The following WDPCP variants were observed in gnomAD, a reference collection of about 807,000 sequenced individuals.
WDPCP encodes WD repeat containing planar cell polarity effector, also known as WD repeat-containing and planar cell polarity effector protein fritz homolog.
Under a neutral mutation model 93.1 loss-of-function variants are expected in WDPCP, and 71 were observed. That is an observed-to-expected ratio of 0.76 (90% confidence interval 0.63 to 0.93). The LOEUF is 0.93. Ranked by LOEUF, WDPCP falls within the 40% of genes least tolerant of loss-of-function variation. WDPCP has a pLI of 0.00. For missense variants in WDPCP, 844 were observed against 887.4 expected (o/e 0.95, Z 0.62); for synonymous variants, 315 against 315.0 (o/e 1.00, Z 0.00).
intron 2 of WDPCP, among the ~76,000 whole-genome samples, chr2:63,682,727 C>T (rs1668738308): frequency 6.6e-6 from 1 of 151,508 alleles, no homozygotes. Context: ...CCTCAAGGCA[C>T]CCAAAGATCA....
intron 8 of WDPCP, 101 bp downstream of exon 8, chr2:63,437,320 A>G (rs1049905102): frequency 9.7e-7 from 1 of 1,032,504 alleles, no homozygotes; most frequent in Non-Finnish European, 1.4e-6. Flanking sequence ...TTTTTCTGAA[A>G]TCCAGAAATG....
At chr2:63,599,321 G>T (rs1267636723) in intron 3 of WDPCP, 1 of 1,592,406 alleles carries the variant, frequency 6.3e-7, no homozygotes, top group African/African-American at 1.4e-5. Flanking sequence ...AAATCTTGTG[G>T]TTGTTCAACT....
chr2:63,535,978 A>G (rs1404374728), intron 1 of WDPCP, among the ~76,000 whole-genome samples: 1 of 152,232 alleles, frequency 6.6e-6, no homozygotes, highest in Non-Finnish European at 1.5e-5. Flanking sequence ...CAAAGGGCTA[A>G]TATCTGGAAT....
intron 3 of WDPCP, among the ~76,000 whole-genome samples, chr2:63,608,862 G>C (rs1286294456): frequency 6.6e-6 from 1 of 152,054 alleles, no homozygotes; most frequent in East Asian, 1.9e-4. Flanking sequence ...AAAAGAAAAA[G>C]CAAGTTGAGT....
At chr2:63,285,428 C>T (rs1258312199) in intron 13 of WDPCP, among the ~76,000 whole-genome samples, 6 of 135,818 alleles carry the variant, frequency 4.4e-5, no homozygotes, top group East Asian at 2.1e-4. Flanking sequence ...AGTGAGACTC[C>T]ATCTCAAAAA....
In WDPCP at chr2:63,234,783, C is replaced by G. The variant is rs139147872; in HGVS notation, c.1915+24524G>C. 1.6e-4 allele frequency among the ~76,000 whole-genome samples: 24 copies of G among 152,238 alleles called. No homozygotes were observed. In the East Asian group the frequency reaches 4.6e-3, roughly 29 times the overall value. On this transcript the variant is annotated intron_variant, in intron 14 of 17. Transcript: ENST00000272321. ...TAGTATAGAATGTATGACAAGCGTACTCATGGTTTTTGTTGAGAAGAAATG... is the reference window on the plus strand; with the variant it reads ...TAGTATAGAATGTATGACAAGCGTAGTCATGGTTTTTGTTGAGAAGAAATG...
chr2:63,206,575 C>G (rs1010725782), intron 14 of WDPCP, among the ~76,000 whole-genome samples: 1 of 152,110 alleles, frequency 6.6e-6, no homozygotes, highest in African/African-American at 2.4e-5. Context: ...ACATCAGCCT[C>G]CTGAGAAGCT....
chr2:63,427,402 A>G (rs1174981237), intron 9 of WDPCP, among the ~76,000 whole-genome samples: 1 of 152,238 alleles, frequency 6.6e-6, no homozygotes, highest in African/African-American at 2.4e-5. Flanking sequence ...CTTGGACTAC[A>G]TTGCAATAAA....
At chr2:63,414,855 T>G (rs1695299072) in intron 9 of WDPCP, among the ~76,000 whole-genome samples, 16 of 152,000 alleles carry the variant, frequency 1.1e-4, no homozygotes. Context: ...AATACCACCT[T>G]TACCCCAATA....
At chr2:63,479,145 T>C (rs906572646) in intron 6 of WDPCP, among the ~76,000 whole-genome samples, 1 of 150,992 alleles carries the variant, frequency 6.6e-6, no homozygotes, top group Admixed American at 6.6e-5. Context: ...CAGGAAGAAA[T>C]AGAAACTCTG....
chr2:63,424,332 A>G lies in WDPCP; in HGVS notation c.825+9413T>C, dbSNP rs1036986319. 2.0e-5 allele frequency among the ~76,000 whole-genome samples: 3 copies of G among 151,854 alleles called. No individual in the cohort carries two copies. In the East Asian group the frequency reaches 5.8e-4, roughly 29 times the overall value. ...AGCAAAATGTGGTCATAGGTTCTCCATTTTCCTCCAGGTAGTTCTATCCCC... is the reference window on the plus strand; with the variant it reads ...AGCAAAATGTGGTCATAGGTTCTCCGTTTTCCTCCAGGTAGTTCTATCCCC... On this transcript the variant is annotated intron_variant, in intron 9 of 17. Transcript: ENST00000272321.
chr2:63,324,106 G>C lies in WDPCP; in HGVS notation c.1749-10795C>G, dbSNP rs189979121. Among the ~76,000 whole-genome samples the C allele has an allele frequency of 2.0e-5, 3 of 152,136 alleles. No individual in the cohort carries two copies. The East Asian group carries it at 5.8e-4, about 29-fold the overall frequency. On this transcript the variant is annotated intron_variant, in intron 12 of 17. Coordinates refer to ENST00000272321, the MANE Select transcript of WDPCP (RefSeq NM_015910.7). ...TGGCCCCAATATTCTCTCTCTGATG[G>C]GGAAAAATGGCCACCTGAGGGAAGT...
chr2:63,686,870 ATAT>A (rs1668811241), intron 2 of WDPCP, among the ~76,000 whole-genome samples: 2 of 60,428 alleles, frequency 3.3e-5, no homozygotes, highest in African/African-American at 9.0e-5. Flanking sequence ...CTGTATATCC[ATAT>A]TCAGATCCAC....
At chr2:63,511,674 C>T (rs528026344) in intron 1 of WDPCP, among the ~76,000 whole-genome samples, 4 of 152,246 alleles carry the variant, frequency 2.6e-5, no homozygotes, top group African/African-American at 9.6e-5. Flanking sequence ...ATAAATGGTG[C>T]TGGGAAAACT....
intron 15 of WDPCP, among the ~76,000 whole-genome samples, chr2:63,168,345 CTTA>C (rs1428028738): frequency 1.6e-4 from 24 of 151,364 alleles, no homozygotes; most frequent in African/African-American, 5.3e-4. Flanking sequence ...CTATTGGTTT[CTTA>C]TTATTTTCAT....
At chr2:63,513,547 C>T (rs55772026) in intron 1 of WDPCP, among the ~76,000 whole-genome samples, 2,107 of 152,194 alleles carry the variant, frequency 0.014, 48 homozygotes, top group African/African-American at 0.047. Flanking sequence ...AAGTGATTCA[C>T]GGAAACCAGA....
In WDPCP at chr2:63,741,314, A is replaced by AT. The variant is rs930733213; in HGVS notation, n.308+72307dup. The stretch of plus-strand genomic sequence containing the variant: ...AGGTCCCTCGGACCTTCTTTGATTT[A>AT]TTTTTTTTTTCAGGCTCATTTATCC... On this transcript the variant is annotated intron_variant and non_coding_transcript_variant, in intron 2 of 4. Transcript: ENST00000467687. Among the ~76,000 whole-genome samples, 989 of 149,646 alleles carry AT rather than the reference A, an allele frequency of 6.6e-3. 15 individuals are homozygous for AT. Among genetic ancestry groups the AT allele is most frequent in the African/African-American group, 0.021 (862 of 40,860 alleles).
At chr2:63,546,260 G>A (rs543664170) in intron 1 of WDPCP, among the ~76,000 whole-genome samples, 4 of 152,286 alleles carry the variant, frequency 2.6e-5, no homozygotes, top group South Asian at 2.1e-4. Flanking sequence ...TATGCATGAC[G>A]TATGTGGAAA....
At position 63,392,800 on chromosome 2, in the gene WDPCP, TG is replaced by T. The variant is rs568329940; in HGVS notation, c.1436-10707del. ...CACATGAAAAAATGCTCATCATCAC[TG>T]GTCATCAGAGAAATGCAAATCAAAA... is the stretch of plus-strand genomic sequence containing the variant. On this transcript the variant is annotated intron_variant, in intron 10 of 17. Coordinates refer to ENST00000272321, the MANE Select transcript of WDPCP (RefSeq NM_015910.7). Among the ~76,000 whole-genome samples the T allele has an allele frequency of 6.6e-3, 1,000 of 152,322 alleles. 4 individuals carry two copies. Among genetic ancestry groups the T allele is most frequent in the South Asian group, 0.018 (88 of 4,822 alleles).
Sources: gnomAD v4.1 joint callset for allele counts (sites outside exome capture counted in the v4.1 genomes callset) on GRCh38, gnomAD v4.1.1 for gene constraint, MANE v1.5 for transcripts, NCBI Gene and HGNC (gene_info 2026-07-23, HGNC 2026-07-21) for gene names.